Variants in NEBL observed in about 807,000 individuals in gnomAD.
NEBL encodes the protein LIM and SH3 protein 2.
In NEBL, 122 loss-of-function variants were observed where a neutral mutation model predicts 140.2. That is an observed-to-expected ratio of 0.87 (90% CI 0.75 to 1.01). The LOEUF (loss-of-function observed/expected upper bound fraction) is 1.01. Ranked by LOEUF, NEBL falls within the 50% of genes least tolerant of loss-of-function variation. The pLI is 0.00. For missense variants in NEBL, 1,365 were observed against 1,231.3 expected, an observed-to-expected ratio of 1.11 and a Z score of -1.62; for synonymous variants, 436 against 398.9, an observed-to-expected ratio of 1.09 and a Z score of -1.11.
At chr10:20,996,268 C>G (rs774903472) in intron 3 of NEBL, among the ~76,000 whole-genome samples, 2 of 152,160 alleles carry the variant, frequency 1.3e-5, no homozygotes, top group Non-Finnish European at 2.9e-5. Context: ...GGCAAACTAA[C>G]AAATTTTGGG....
intron 2 of NEBL, among the ~76,000 whole-genome samples, chr10:21,159,895 C>G (rs1271125836): frequency 6.6e-6 from 1 of 152,230 alleles, no homozygotes; most frequent in Non-Finnish European, 1.5e-5. Context: ...TTGGTACAGA[C>G]AGGTGAGGTC....
intron 2 of NEBL, among the ~76,000 whole-genome samples, chr10:21,020,559 C>T (rs971200658): frequency 3.9e-5 from 6 of 152,190 alleles, no homozygotes; most frequent in African/African-American, 1.4e-4. Flanking sequence ...AAAGAAGCCT[C>T]ACCTCACAGT....
chr10:21,130,040 T>C (rs1447503066), intron 2 of NEBL, among the ~76,000 whole-genome samples: 1 of 152,000 alleles, frequency 6.6e-6, no homozygotes, highest in African/African-American at 2.4e-5. Flanking sequence ...ACATTTAAAG[T>C]AAATGAACGG....
At chr10:21,079,474 T>C (rs1836267390) in intron 2 of NEBL, among the ~76,000 whole-genome samples, 1 of 152,062 alleles carries the variant, frequency 6.6e-6, no homozygotes, top group South Asian at 2.1e-4. Context: ...TGCTCAAGAG[T>C]GGGCACACAG....
At chr10:21,061,414 G>A (rs1037976379) in intron 2 of NEBL, among the ~76,000 whole-genome samples, 60 of 146,400 alleles carry the variant, frequency 4.1e-4, no homozygotes, top group African/African-American at 9.7e-4. Context: ...TACATGATAC[G>A]TATCATATAT....
intron 1 of NEBL, among the ~76,000 whole-genome samples, chr10:21,267,464 A>G (rs1018777204): frequency 1.3e-5 from 2 of 152,234 alleles, no homozygotes; most frequent in African/African-American, 4.8e-5. Flanking sequence ...AACTTTTCCC[A>G]GAAGCACTTT....
chr10:21,200,214 G>A (rs1437136842), intron 3 of NEBL, among the ~76,000 whole-genome samples: 1 of 151,356 alleles, frequency 6.6e-6, no homozygotes, highest in Non-Finnish European at 1.5e-5. Context: ...CTCAGAGTCT[G>A]CATCTGAGGA....
At position 20,888,095 on chromosome 10, in the gene NEBL, A is replaced by G; in HGVS notation, c.369+2T>C. The G allele has an allele frequency of 6.3e-7, 1 of 1,587,464 alleles. No individual in the cohort carries two copies. Among genetic ancestry groups the G allele is most frequent in the Non-Finnish European group, 8.7e-7 (1 of 1,155,824 alleles). On this transcript the variant is annotated splice_donor_variant, in intron 4 of 27. Transcript: ENST00000377122. LOFTEE classifies it high-confidence loss of function. ...TCATGAAACACTTTAGAAAAACCCT[A>G]CCTCACTCTGGAGCTGTGTAACTTC...
At chr10:21,044,775 A>G (rs1834437950) in intron 2 of NEBL, among the ~76,000 whole-genome samples, 1 of 152,174 alleles carries the variant, frequency 6.6e-6, no homozygotes, top group African/African-American at 2.4e-5. Flanking sequence ...TCCCCCAGCC[A>G]CAGATTCATA....
intron 4 of NEBL, among the ~76,000 whole-genome samples, chr10:20,935,849 A>T (rs1379747140): frequency 3.3e-5 from 5 of 152,198 alleles, no homozygotes; most frequent in Non-Finnish European, 7.3e-5. Flanking sequence ...GAGAATCATT[A>T]TAGGCCCAAC....
intron 26 of NEBL, among the ~76,000 whole-genome samples, chr10:20,797,503 T>G (rs1159523009): frequency 6.6e-6 from 1 of 152,216 alleles, no homozygotes; most frequent in African/African-American, 2.4e-5. Flanking sequence ...GGCACATATA[T>G]ATTTTCCAAC....
At chr10:20,809,447 C>T (rs938250838) in intron 25 of NEBL, among the ~76,000 whole-genome samples, 1 of 152,144 alleles carries the variant, frequency 6.6e-6, no homozygotes, top group Non-Finnish European at 1.5e-5. Flanking sequence ...ATATATAATT[C>T]TTTAAATCTA....
In NEBL at chr10:20,880,837, G is replaced by A. The variant is rs1350372449; in HGVS notation, c.437C>T (p.Pro146Leu). ...FSDYAHMKEP[P>L]EVKHAMEVNK... is the part of the protein sequence containing the mutation. ...GACCTCCATGGCATGTTTAACCTCAGGGGGCTCCTTCATGTGGGCATAATC... is the reference window on the plus strand; with the variant it reads ...GACCTCCATGGCATGTTTAACCTCAAGGGGCTCCTTCATGTGGGCATAATC... Residue 146 changes from proline to leucine, a missense_variant, in exon 5 of 28, where the codon CCT becomes CTT. Coordinates refer to ENST00000377122, the MANE Select transcript of NEBL (RefSeq NM_006393.3). 2 of 1,613,958 alleles carry A rather than the reference G, an allele frequency of 1.2e-6. No individual in the cohort carries two copies. Among genetic ancestry groups the A allele is most frequent in the East Asian group, 4.5e-5 (2 of 44,860 alleles).
chr10:20,906,953 C>T (rs11012381), intron 4 of NEBL, among the ~76,000 whole-genome samples: 1,541 of 152,170 alleles, frequency 0.01, 20 homozygotes, highest in African/African-American at 0.035. Context: ...TTTTTTCCTA[C>T]TAAGTCTTTA....
At chr10:20,825,028 T>C (rs984204845) in intron 18 of NEBL, among the ~76,000 whole-genome samples, 62 of 152,302 alleles carry the variant, frequency 4.1e-4, no homozygotes, top group African/African-American at 1.4e-3. Flanking sequence ...CATCCACACC[T>C]TAAGCCTAGG....
At chr10:21,219,352 G>C (rs1842037409) in intron 3 of NEBL, among the ~76,000 whole-genome samples, 1 of 152,112 alleles carries the variant, frequency 6.6e-6, no homozygotes, top group African/African-American at 2.4e-5. Context: ...ATATTTCGGA[G>C]GCTAAAACCA....
At chr10:21,278,536 T>G (rs530647558) in intron 1 of NEBL, among the ~76,000 whole-genome samples, 1 of 152,308 alleles carries the variant, frequency 6.6e-6, no homozygotes, top group East Asian at 1.9e-4. Flanking sequence ...TGGAAATCTC[T>G]TCTGTGCAGT....
At chr10:20,788,057 A>G (rs900844146) in intron 26 of NEBL, among the ~76,000 whole-genome samples, 1 of 152,226 alleles carries the variant, frequency 6.6e-6, no homozygotes, top group African/African-American at 2.4e-5. Flanking sequence ...ACTAATTATG[A>G]CATTCAAAAG....
At chr10:21,170,150 T>G (rs1022912350) in intron 2 of NEBL, 1 of 152,196 alleles carries the variant, frequency 6.6e-6, no homozygotes, top group African/African-American at 2.4e-5. Context: ...CAGTAGAACC[T>G]TTTTCTGTCC....
Sources: allele counts gnomAD v4.1 joint callset (sites outside exome capture counted in the v4.1 genomes callset), GRCh38; gene constraint gnomAD v4.1.1; transcripts MANE v1.5; gene names NCBI Gene and HGNC (gene_info 2026-07-23, HGNC 2026-07-21).